Variants in RABGAP1L observed in about 807,000 individuals in gnomAD.
The protein encoded by RABGAP1L is rab GTPase-activating protein 1-like.
A neutral mutation model predicts 137.7 loss-of-function variants in RABGAP1L; 63 were observed. The ratio of observed to expected loss-of-function variants is 0.46; its 90% confidence interval spans 0.37 to 0.56. The LOEUF (loss-of-function observed/expected upper bound fraction) is 0.56, where lower values mean the gene tolerates loss of function less well. Among genes scored for constraint, RABGAP1L ranks in the 20% least tolerant of loss-of-function variants. The probability of loss-of-function intolerance (pLI) is 0.00; values close to 1 mark genes in which losing one functional copy is unlikely to be tolerated. For missense variants in RABGAP1L, 1,095 were observed against 1,244.0 expected, an observed-to-expected ratio of 0.88 and a Z score of 1.80; for synonymous variants, 431 against 433.7, an observed-to-expected ratio of 0.99 and a Z score of 0.08.
At chr1:174,247,351 A>G (rs887073436) in intron 5 of RABGAP1L, among the ~76,000 whole-genome samples, 1 of 152,218 alleles carries the variant, frequency 6.6e-6, no homozygotes, top group Non-Finnish European at 1.5e-5. Flanking sequence ...AGAAAGAGTC[A>G]TGGCCCAAAA....
At chr1:174,759,660 CAT>C (rs1301331494) in intron 18 of RABGAP1L, among the ~76,000 whole-genome samples, 1 of 151,602 alleles carries the variant, frequency 6.6e-6, no homozygotes, top group African/African-American at 2.4e-5. Context: ...ATATACGAAA[CAT>C]AGTACTGATA....
intron 11 of RABGAP1L, among the ~76,000 whole-genome samples, chr1:174,349,914 C>A: frequency 1.2e-5 from 1 of 85,516 alleles, no homozygotes; most frequent in South Asian, 3.8e-4. Flanking sequence ...GGGGGCTGAC[C>A]CCCCCCCACC....
At chr1:174,923,790 A>G (rs1489401577) in intron 19 of RABGAP1L, among the ~76,000 whole-genome samples, 2 of 151,208 alleles carry the variant, frequency 1.3e-5, no homozygotes, top group Non-Finnish European at 2.9e-5. Flanking sequence ...CTGAGGCAGG[A>G]GAATCGCGTC....
At chr1:174,164,797 A>G (rs1291700537) in intron 1 of RABGAP1L, among the ~76,000 whole-genome samples, 1 of 152,210 alleles carries the variant, frequency 6.6e-6, no homozygotes, top group Non-Finnish European at 1.5e-5. Context: ...CTAATGGATT[A>G]TAGCCTACAT....
At chr1:174,915,571 C>T (rs537509934) in intron 19 of RABGAP1L, among the ~76,000 whole-genome samples, 1 of 152,312 alleles carries the variant, frequency 6.6e-6, no homozygotes, top group South Asian at 2.1e-4. Flanking sequence ...ATTCTCCTGC[C>T]TCAGCCTCCC....
chr1:174,368,424 C>G (rs1339071387), intron 11 of RABGAP1L, among the ~76,000 whole-genome samples: 1 of 152,154 alleles, frequency 6.6e-6, no homozygotes, highest in African/African-American at 2.4e-5. Flanking sequence ...ATTTAAACAT[C>G]AGCCTTCTTA....
chr1:174,625,953 A>G (rs115830397), intron 13 of RABGAP1L, among the ~76,000 whole-genome samples: 1,588 of 152,328 alleles, frequency 0.01, 28 homozygotes, highest in African/African-American at 0.037. Context: ...AAAAGAGTTC[A>G]AAGAGCTGTT....
At chr1:174,651,233 C>T (rs1675459304) in intron 14 of RABGAP1L, among the ~76,000 whole-genome samples, 1 of 151,750 alleles carries the variant, frequency 6.6e-6, no homozygotes, top group African/African-American at 2.4e-5. Context: ...TTTACATTTG[C>T]TGAGGAGAGC....
intron 13 of RABGAP1L, among the ~76,000 whole-genome samples, chr1:174,446,161 G>A (rs1320523106): frequency 6.6e-6 from 1 of 152,196 alleles, no homozygotes; most frequent in Non-Finnish European, 1.5e-5. Flanking sequence ...TATACTGACA[G>A]CATCCTTGTA....
At chr1:174,858,267 C>G (rs1649649960) in intron 19 of RABGAP1L, among the ~76,000 whole-genome samples, 1 of 152,116 alleles carries the variant, frequency 6.6e-6, no homozygotes, top group African/African-American at 2.4e-5. Context: ...TCCTCCTGCC[C>G]TTGGCTTCTC....
intron 12 of RABGAP1L, among the ~76,000 whole-genome samples, chr1:174,390,512 A>G (rs1687137604): frequency 6.6e-6 from 1 of 152,208 alleles, no homozygotes; most frequent in Admixed American, 6.5e-5. Flanking sequence ...AAAATATTAC[A>G]GTTAAATCAT....
intron 13 of RABGAP1L, among the ~76,000 whole-genome samples, chr1:174,445,256 TTGTC>T (rs1401736937): frequency 1.3e-5 from 2 of 152,168 alleles, no homozygotes; most frequent in Middle Eastern, 3.2e-3. Flanking sequence ...TAGTGAATGT[TTGTC>T]TGTAGTAAGT....
intron 14 of RABGAP1L, among the ~76,000 whole-genome samples, chr1:174,667,575 T>C (rs1234386208): frequency 6.6e-6 from 1 of 152,224 alleles, no homozygotes; most frequent in African/African-American, 2.4e-5. Context: ...TTCATGCCTT[T>C]GTACATGCCC....
intron 18 of RABGAP1L, among the ~76,000 whole-genome samples, chr1:174,802,310 G>A (rs903414840): frequency 6.6e-6 from 1 of 152,148 alleles, no homozygotes; most frequent in Non-Finnish European, 1.5e-5. Flanking sequence ...CATTATGTGT[G>A]AAAAGCATAT....
intron 13 of RABGAP1L, among the ~76,000 whole-genome samples, chr1:174,452,430 T>C (rs1462569800): frequency 6.6e-6 from 1 of 152,202 alleles, no homozygotes; most frequent in Non-Finnish European, 1.5e-5. Context: ...AAATCTTAAG[T>C]CAGAGACTTG....
At chr1:174,189,482 T>C (rs1399070632) in intron 1 of RABGAP1L, among the ~76,000 whole-genome samples, 1 of 152,248 alleles carries the variant, frequency 6.6e-6, no homozygotes, top group African/African-American at 2.4e-5. Context: ...GGCTTTTCTT[T>C]AAACCTCGCT....
chr1:174,164,061 T>C (rs991098940), intron 1 of RABGAP1L, among the ~76,000 whole-genome samples: 1 of 152,156 alleles, frequency 6.6e-6, no homozygotes, highest in Non-Finnish European at 1.5e-5. Context: ...TAGAATTATC[T>C]GGATTTTTTT....
rs1180613284 is a variant in RABGAP1L, at chr1:174,240,030, T to C, written c.543-1453T>C. On this transcript the variant is annotated intron_variant, in intron 4 of 25. Transcript: ENST00000681986. The stretch of plus-strand genomic sequence containing the variant: ...GTCTAAAAATGTCAAAATGTCTTTT[T>C]AAAGAAAAATTGTTTTCAAAGTGTC... Among the ~76,000 whole-genome samples, 5 of 152,204 alleles carry C rather than the reference T, an allele frequency of 3.3e-5. No individual in the cohort carries two copies. The East Asian group carries it at 9.6e-4, about 29-fold the overall frequency.
At chr1:174,218,571 A>T (rs900215449) in intron 1 of RABGAP1L, among the ~76,000 whole-genome samples, 1 of 152,184 alleles carries the variant, frequency 6.6e-6, no homozygotes. Context: ...TTAATAAGTG[A>T]TAATGTGTCA....
Sources: gnomAD v4.1 joint callset for allele counts (sites outside exome capture counted in the v4.1 genomes callset) on GRCh38, gnomAD v4.1.1 for gene constraint, MANE v1.5 for transcripts, NCBI Gene and HGNC (gene_info 2026-07-23, HGNC 2026-07-21) for gene names.